Variants in PDE7B observed in about 807,000 individuals in gnomAD.
PDE7B encodes 3',5'-cyclic-AMP phosphodiesterase 7B.
PDE7B carries 29 observed loss-of-function variants against 56.2 expected under a neutral mutation model. The observed-to-expected ratio is 0.52, with a 90% CI of 0.38 to 0.70. PDE7B has a LOEUF of 0.70. Ranked by LOEUF, PDE7B falls within the 30% of genes least tolerant of loss-of-function variation. PDE7B has a pLI of 0.00. For missense variants in PDE7B, 490 were observed against 565.0 expected, an observed-to-expected ratio of 0.87 and a Z score of 1.35; for synonymous variants, 197 against 196.9, an observed-to-expected ratio of 1.00 and a Z score of 0.00.
At chr6:135,938,822 G>A (rs1241430727) in intron 1 of PDE7B, among the ~76,000 whole-genome samples, 1 of 152,134 alleles carries the variant, frequency 6.6e-6, no homozygotes, top group Non-Finnish European at 1.5e-5. Flanking sequence ...CTACTGTCTA[G>A]GGATAAAATG....
rs769409028 is a variant in PDE7B, at chr6:135,884,124, GT to G, written c.21+32108del. Among the ~76,000 whole-genome samples, 168 of 152,288 alleles carry G rather than the reference GT, an allele frequency of 1.1e-3. 2 individuals carry two copies. Among genetic ancestry groups the G allele is most frequent in the Non-Finnish European group, 1.8e-3 (121 of 68,020 alleles). ...AGCTCATATCCCACACATCTGCAGAGTTTGCTTGCCAGTACTGTCCATGTGG... is the reference window on the plus strand; with the variant it reads ...AGCTCATATCCCACACATCTGCAGAGTTGCTTGCCAGTACTGTCCATGTGG... On this transcript the variant is annotated intron_variant, in intron 1 of 12. Transcript: ENST00000308191.
Position 135,914,710 on chromosome 6 carries a change from C to T in PDE7B, c.22-32754C>T, listed in dbSNP as rs1308171366. Among the ~76,000 whole-genome samples, 2 of 39,478 alleles carry T rather than the reference C, an allele frequency of 5.1e-5. 1 individual carries two copies. The highest frequency in any genetic ancestry group is 5.7e-4 in the African/African-American group (2 of 3,492). The allele number at this position is 39,478 out of a possible 152,430, so 25.9% of individuals were successfully genotyped here. ...TTCACCGTGTTAGCCAGGATGGTCT[C>T]GATCTCCTGACCTCGTGATCCGCCC... is the stretch of plus-strand genomic sequence containing the variant. On this transcript the variant is annotated intron_variant, in intron 1 of 12. Coordinates refer to ENST00000308191, the MANE Select transcript of PDE7B (RefSeq NM_018945.4).
At chr6:136,068,605 G>A (rs1050100007) in intron 2 of PDE7B, among the ~76,000 whole-genome samples, 1 of 151,812 alleles carries the variant, frequency 6.6e-6, no homozygotes, top group Admixed American at 6.6e-5. Flanking sequence ...TAATTTTTTT[G>A]TGTTTTTAGT....
intron 6 of PDE7B, 26 bp downstream of exon 6, chr6:136,151,281 GC>G: frequency 8.2e-7 from 1 of 1,214,106 alleles, no homozygotes; most frequent in Non-Finnish European, 1.2e-6. Context: ...CACATTTCTA[GC>G]CCCATTCTCT....
chr6:136,166,403 G>T, intron 8 of PDE7B: 1 of 152,530 alleles, frequency 6.6e-6, no homozygotes, highest in Non-Finnish European at 1.5e-5. Context: ...ACCTGCAACT[G>T]GATAATTTAT....
intron 2 of PDE7B, among the ~76,000 whole-genome samples, chr6:136,084,846 T>G (rs962178698): frequency 6.6e-6 from 1 of 152,206 alleles, no homozygotes; most frequent in Non-Finnish European, 1.5e-5. Context: ...CAGAATGGAA[T>G]TGGTTCCAAA....
chr6:135,961,253 ATATGTGTGTGTGTGTGTGTGTGTGTG>A (rs1206410339), intron 2 of PDE7B, among the ~76,000 whole-genome samples: 8 of 144,824 alleles, frequency 5.5e-5, no homozygotes, highest in East Asian at 2.0e-4. Flanking sequence ...CATAGAGTGT[ATATGTGTGTGTGTGTGTGTGTGTGTG>A]TATGTGTGTG....
chr6:135,979,073 G>GT (rs1207481588), intron 2 of PDE7B, among the ~76,000 whole-genome samples: 5 of 151,934 alleles, frequency 3.3e-5, no homozygotes, highest in Non-Finnish European at 7.3e-5. Flanking sequence ...TTTATTGAGA[G>GT]TTTTTAGTAT....
rs750092305 is a variant in PDE7B at position 135,877,838 on chromosome 6, T to C, written c.21+25819T>C. 7.9e-5 allele frequency among the ~76,000 whole-genome samples: 12 copies of C among 151,222 alleles called. No homozygotes were observed. In the South Asian group the frequency reaches 1.0e-3, roughly 13 times the overall value. On this transcript the variant is annotated intron_variant, in intron 1 of 12. Transcript: ENST00000308191. ...CAGCAACGTCAGTGGATGATTAAAG[T>C]GGGAAACGGGAAAGAGTGTAAAACA...
intron 2 of PDE7B, among the ~76,000 whole-genome samples, chr6:135,961,255 A>ATGTGTGTGTGTGTG (rs961322926): frequency 9.6e-5 from 14 of 146,088 alleles, no homozygotes; most frequent in African/African-American, 3.7e-4. Flanking sequence ...TAGAGTGTAT[A>ATGTGTGTGTGTGTG]TGTGTGTGTG....
At chr6:135,956,113 A>G (rs74923398) in intron 2 of PDE7B, among the ~76,000 whole-genome samples, 1 of 152,258 alleles carries the variant, frequency 6.6e-6, no homozygotes, top group East Asian at 1.9e-4. Flanking sequence ...GTTCAAAAGG[A>G]GCCTATGGAA....
intron 2 of PDE7B, chr6:136,047,371 G>A (rs1332402768): frequency 6.6e-6 from 1 of 152,142 alleles, no homozygotes; most frequent in Non-Finnish European, 1.5e-5. Flanking sequence ...TGGAATTGTG[G>A]TCCTAATCAT....
In PDE7B at chr6:135,914,344, T is replaced by C. The variant is rs1583764865; in HGVS notation, c.22-33120T>C. The stretch of plus-strand genomic sequence containing the variant: ...TATCACTTTAGAAAGTTCCCTGTGC[T>C]CATTTTTTGTCGACCCCTGCCCCAC... On this transcript the variant is annotated intron_variant, in intron 1 of 12. Coordinates refer to ENST00000308191, the MANE Select transcript of PDE7B (RefSeq NM_018945.4). 2.0e-5 allele frequency among the ~76,000 whole-genome samples: 3 copies of C among 151,990 alleles called. No individual in the cohort carries two copies. The East Asian group carries it at 5.8e-4, about 29-fold the overall frequency.
chr6:136,187,672 G>A (rs1321037502), intron 12 of PDE7B, among the ~76,000 whole-genome samples: 3 of 152,202 alleles, frequency 2.0e-5, no homozygotes, highest in Non-Finnish European at 4.4e-5. Flanking sequence ...TCACTGGTGG[G>A]AAACTGTTGA....
chr6:136,110,279 T>G (rs1458194300), intron 3 of PDE7B, among the ~76,000 whole-genome samples: 3 of 152,188 alleles, frequency 2.0e-5, no homozygotes, highest in Non-Finnish European at 4.4e-5. Context: ...TTGGTCTCTC[T>G]GACCTTTCCT....
chr6:136,058,665 A>T (rs879127973), intron 2 of PDE7B, among the ~76,000 whole-genome samples: 51 of 152,296 alleles, frequency 3.3e-4, no homozygotes, highest in Admixed American at 8.5e-4. Context: ...TTATCAACAC[A>T]CATGTTAACT....
chr6:136,189,986 TTTTC>T (rs1779196081), intron 12 of PDE7B, among the ~76,000 whole-genome samples: 1 of 152,316 alleles, frequency 6.6e-6, no homozygotes, highest in South Asian at 2.1e-4. Flanking sequence ...AAAATGAGGC[TTTTC>T]TTTTTTTCGA....
intron 1 of PDE7B, among the ~76,000 whole-genome samples, chr6:135,896,358 A>G (rs7744517): frequency 0.1 from 15,517 of 151,962 alleles, 816 homozygotes; most frequent in African/African-American, 0.11. Flanking sequence ...TCCTAAGATA[A>G]CTACTCCAAC....
intron 8 of PDE7B, 116 bp downstream of exon 8, chr6:136,155,874 G>T: frequency 8.9e-7 from 1 of 1,121,272 alleles, no homozygotes; most frequent in Non-Finnish European, 1.3e-6. Context: ...GAAGTTCAAA[G>T]ACGAATGAAA....
Sources: gnomAD v4.1 joint callset for allele counts (sites outside exome capture counted in the v4.1 genomes callset) on GRCh38, gnomAD v4.1.1 for gene constraint, MANE v1.5 for transcripts, NCBI Gene and HGNC (gene_info 2026-07-23, HGNC 2026-07-21) for gene names.